Variants in IGF1R observed in about 807,000 individuals in gnomAD.
The protein encoded by IGF1R is insulin like growth factor 1 receptor.
IGF1R carries 44 observed loss-of-function variants against 144.6 expected under a neutral mutation model. The observed-to-expected ratio is 0.30, with a 90% CI of 0.24 to 0.39. The LOEUF is 0.39. Among genes scored for constraint, IGF1R ranks in the 10% least tolerant of loss-of-function variants. The probability of loss-of-function intolerance (pLI) is 1.00; values close to 1 mark genes in which losing one functional copy is unlikely to be tolerated. For missense variants in IGF1R, 1,355 were observed against 1,833.7 expected, an observed-to-expected ratio of 0.74 and a Z score of 4.77; for synonymous variants, 795 against 722.8, an observed-to-expected ratio of 1.10 and a Z score of -1.60.
At chr15:98,665,019 G>A (rs2052698788) in intron 1 of IGF1R, among the ~76,000 whole-genome samples, 1 of 147,844 alleles carries the variant, frequency 6.8e-6, no homozygotes, top group Non-Finnish European at 1.5e-5. Flanking sequence ...GTGTGGTGGC[G>A]CAATCTTGGC....
rs1176129122 is a variant in IGF1R at position 98,960,162 on chromosome 15, C to G, written c.*2720C>G. The G allele has an allele frequency of 4.3e-6, 1 of 233,592 alleles. No individual in the cohort carries two copies. The highest frequency in any genetic ancestry group is 8.5e-6 in the Non-Finnish European group (1 of 118,072). 14.5% of individuals were successfully genotyped at this position (233,592 alleles called of 1,614,324 possible). Reference sequence around the variant, plus strand: ...CCGTTGATACTGGTAACCTCATCCACGCCACAGGCGCCACACCCAGGTGAT... The same window carrying G: ...CCGTTGATACTGGTAACCTCATCCAGGCCACAGGCGCCACACCCAGGTGAT... On this transcript the variant is annotated 3_prime_UTR_variant, in exon 21 of 21. Transcript: ENST00000650285.
chr15:98,790,641 C>T lies in IGF1R; in HGVS notation c.640+82534C>T, dbSNP rs569117102. On this transcript the variant is annotated intron_variant, in intron 2 of 20. Transcript: ENST00000650285. ...AGCAGACCCTTCTGTCTCTGTGCCT[C>T]GAGGGGCTATGTGGAAAGCAGAGAA... 3.3e-5 allele frequency among the ~76,000 whole-genome samples: 5 copies of T among 152,178 alleles called. No individual in the cohort carries two copies. In the East Asian group the frequency reaches 7.7e-4, roughly 24 times the overall value.
Position 98,648,748 on chromosome 15 carries a change from C to A in IGF1R, c.-834C>A, listed in dbSNP as rs55923300. On this transcript the variant is annotated 5_prime_UTR_variant, in exon 1 of 21. Coordinates refer to ENST00000650285, the MANE Select transcript of IGF1R (RefSeq NM_000875.5). ...GACCCTCGGCCCCGCTCCCCGGATC[C>A]CCCCGCGCCCTCCACGCCCCTCCCG... is the stretch of plus-strand genomic sequence containing the variant. Among the ~76,000 whole-genome samples, 677 of 145,084 alleles carry A rather than the reference C, an allele frequency of 4.7e-3. 4 individuals carry two copies. The highest frequency in any genetic ancestry group is 7.3e-3 in the Non-Finnish European group (481 of 66,292).
chr15:98,847,737 C>T (rs369445697), intron 2 of IGF1R, among the ~76,000 whole-genome samples: 16 of 152,262 alleles, frequency 1.1e-4, no homozygotes, highest in African/African-American at 3.6e-4. Context: ...GTTTATTCCC[C>T]CCTTTACTTT....
chr15:98,862,653 A>T (rs1044656685), intron 2 of IGF1R, among the ~76,000 whole-genome samples: 3 of 152,212 alleles, frequency 2.0e-5, no homozygotes, highest in Non-Finnish European at 2.9e-5. Flanking sequence ...ATGCAAAGTT[A>T]AGTGTATCAT....
chr15:98,796,617 G>T (rs879412364), intron 2 of IGF1R, among the ~76,000 whole-genome samples: 1 of 152,130 alleles, frequency 6.6e-6, no homozygotes, highest in Non-Finnish European at 1.5e-5. Flanking sequence ...TAGCTGATGG[G>T]GTCTCCTGAC....
chr15:98,748,994 G>A (rs2054937467), intron 2 of IGF1R, among the ~76,000 whole-genome samples: 1 of 152,050 alleles, frequency 6.6e-6, no homozygotes, highest in Non-Finnish European at 1.5e-5. Context: ...GTCAGGGTGG[G>A]AATTATCTCT....
intron 1 of IGF1R, 98 bp downstream of exon 1, chr15:98,649,773 C>G (rs1408608665): frequency 1.1e-6 from 1 of 891,574 alleles, no homozygotes; most frequent in African/African-American, 1.7e-5. Context: ...TCGCAGCTGT[C>G]GGGCCCCCGG....
intron 1 of IGF1R, among the ~76,000 whole-genome samples, chr15:98,651,797 T>A (rs2052374497): frequency 6.6e-6 from 1 of 152,212 alleles, no homozygotes; most frequent in Non-Finnish European, 1.5e-5. Flanking sequence ...GGAAACCTGA[T>A]GGGTGGTCAG....
intron 2 of IGF1R, among the ~76,000 whole-genome samples, chr15:98,765,293 T>A (rs2055407640): frequency 7.0e-6 from 1 of 143,290 alleles, no homozygotes; most frequent in Non-Finnish European, 1.5e-5. Context: ...TCTCACCCAA[T>A]GATCATGCCA....
intron 1 of IGF1R, chr15:98,651,029 A>G (rs1293859774): frequency 2.0e-6 from 2 of 985,276 alleles, no homozygotes; most frequent in Non-Finnish European, 2.4e-6. Flanking sequence ...TTTGAACACG[A>G]TTAAAAGTTT....
At chr15:98,749,691 A>G (rs1216782297) in intron 2 of IGF1R, among the ~76,000 whole-genome samples, 1 of 152,230 alleles carries the variant, frequency 6.6e-6, no homozygotes, top group South Asian at 2.1e-4. Flanking sequence ...TATGCCTTAC[A>G]GGAAAATTAA....
intron 2 of IGF1R, among the ~76,000 whole-genome samples, chr15:98,800,762 A>T (rs534341986): frequency 6.6e-6 from 1 of 152,146 alleles, no homozygotes; most frequent in Non-Finnish European, 1.5e-5. Context: ...ACCGGCACAA[A>T]ACACAAATCC....
At chr15:98,712,538 A>G (rs2054016794) in intron 2 of IGF1R, among the ~76,000 whole-genome samples, 1 of 151,548 alleles carries the variant, frequency 6.6e-6, no homozygotes, top group Admixed American at 6.6e-5. Flanking sequence ...TCCCCCTTAC[A>G]GCAGTGACAT....
intron 2 of IGF1R, among the ~76,000 whole-genome samples, chr15:98,841,599 A>G (rs1362352991): frequency 6.6e-6 from 1 of 152,062 alleles, no homozygotes; most frequent in Non-Finnish European, 1.5e-5. Flanking sequence ...GAGGAGTTTG[A>G]GTTGGTACAT....
intron 2 of IGF1R, among the ~76,000 whole-genome samples, chr15:98,849,280 T>C (rs2011455906): frequency 6.6e-6 from 1 of 152,224 alleles, no homozygotes; most frequent in Admixed American, 6.5e-5. Flanking sequence ...GCTTCACAAA[T>C]CATTGGGACT....
chr15:98,843,759 G>A (rs2011220131), intron 2 of IGF1R, among the ~76,000 whole-genome samples: 1 of 152,080 alleles, frequency 6.6e-6, no homozygotes, highest in Non-Finnish European at 1.5e-5. Context: ...TCTTCAGAGT[G>A]GGATTGTTTT....
intron 2 of IGF1R, among the ~76,000 whole-genome samples, chr15:98,838,828 A>G (rs2011129340): frequency 6.6e-6 from 1 of 152,218 alleles, no homozygotes; most frequent in Non-Finnish European, 1.5e-5. Flanking sequence ...ATCCAGCCCC[A>G]GCTGTCCTCT....
At chr15:98,797,053 T>G (rs2056260157) in intron 2 of IGF1R, among the ~76,000 whole-genome samples, 1 of 152,250 alleles carries the variant, frequency 6.6e-6, no homozygotes, top group Non-Finnish European at 1.5e-5. Context: ...TTCTGATGGC[T>G]GCCCCATCTG....
Sources: gnomAD v4.1 joint callset for allele counts (sites outside exome capture counted in the v4.1 genomes callset) on GRCh38, gnomAD v4.1.1 for gene constraint, MANE v1.5 for transcripts, NCBI Gene and HGNC (gene_info 2026-07-23, HGNC 2026-07-21) for gene names.